WDR88: variants seen among roughly 807,000 people sequenced by gnomAD.
WDR88 encodes WD repeat domain 88.
WDR88 carries 40 observed loss-of-function variants against 46.8 expected under a neutral mutation model. The ratio of observed to expected loss-of-function variants is 0.86; its 90% CI spans 0.66 to 1.11. The LOEUF (loss-of-function observed/expected upper bound fraction) is 1.11, where lower values mean the gene tolerates loss of function less well. Among genes scored for constraint, WDR88 ranks in the 50% most tolerant of loss-of-function variants. The pLI is 0.00. For missense variants in WDR88, 562 were observed against 602.4 expected (o/e 0.93, Z 0.70); for synonymous variants, 235 against 240.7 (o/e 0.98, Z 0.22).
At chr19:33,148,664 C>T in intron 4 of WDR88, 108 bp from the exon 5 acceptor site, 2 of 1,357,730 alleles carry the variant, frequency 1.5e-6, no homozygotes, top group Non-Finnish European at 2.1e-6. Context: ...GTCTCAGGCT[C>T]CTGGTCTCAA....
At chr19:33,137,093 GC>G (rs1181982650) in intron 1 of WDR88, among the ~76,000 whole-genome samples, 2 of 139,922 alleles carry the variant, frequency 1.4e-5, no homozygotes, top group African/African-American at 5.8e-5. Context: ...ACCATGCCTG[GC>G]TCATTTTCTT....
At chr19:33,154,309 A>G (rs1198176677) in intron 6 of WDR88, among the ~76,000 whole-genome samples, 1 of 152,088 alleles carries the variant, frequency 6.6e-6, no homozygotes, top group Non-Finnish European at 1.5e-5. Context: ...TGCATCTATC[A>G]ACACGTCATC....
intron 9 of WDR88, among the ~76,000 whole-genome samples, chr19:33,171,652 T>A (rs1389465205): frequency 6.6e-6 from 1 of 151,988 alleles, no homozygotes; most frequent in Non-Finnish European, 1.5e-5. Flanking sequence ...TCAACAGGAC[T>A]GCATTCCTTT....
chr19:33,150,215 G>A (rs1344858039), intron 5 of WDR88, among the ~76,000 whole-genome samples: 1 of 152,142 alleles, frequency 6.6e-6, no homozygotes, highest in Non-Finnish European at 1.5e-5. Context: ...ACTTTGGGAG[G>A]CCGAGGCTGG....
intron 1 of WDR88, 84 bp from the exon 2 acceptor site, chr19:33,137,593 A>C: frequency 8.0e-7 from 1 of 1,245,024 alleles, no homozygotes; most frequent in African/African-American, 1.5e-5. Context: ...GTTTATTGCA[A>C]GTGTTTAGAA....
chr19:33,164,024 C>T (rs910526711), intron 8 of WDR88, among the ~76,000 whole-genome samples, 173 bp from the exon 9 acceptor site: 8 of 152,050 alleles, frequency 5.3e-5, no homozygotes, highest in African/African-American at 1.9e-4. Context: ...GGCTGAAGTG[C>T]AGTGGTGCAA....
At position 33,150,308 on chromosome 19, in the gene WDR88, C is replaced by G. The variant is rs535389219; in HGVS notation, c.680-873C>G. On this transcript the variant is annotated intron_variant, in intron 5 of 10. Transcript: ENST00000355868. ...CTCTACTAAAAATACAAAAATTAGCCGGGCGTGGTGGCGGGCACCTGTAAT... is the reference window on the plus strand; with the variant it reads ...CTCTACTAAAAATACAAAAATTAGCGGGGCGTGGTGGCGGGCACCTGTAAT... 2.3e-3 allele frequency among the ~76,000 whole-genome samples: 352 copies of G among 151,906 alleles called. 3 individuals are homozygous for G. Among genetic ancestry groups the G allele is most frequent in the African/African-American group, 7.9e-3 (328 of 41,470 alleles).
intron 7 of WDR88, among the ~76,000 whole-genome samples, chr19:33,158,827 G>A (rs947643165): frequency 1.3e-5 from 2 of 152,144 alleles, no homozygotes; most frequent in Admixed American, 6.6e-5. Flanking sequence ...AGCCTTCCAA[G>A]TAGCTTGGAT....
At chr19:33,174,377 G>A (rs1364551339) in intron 10 of WDR88, 15 of 1,424,714 alleles carry the variant, frequency 1.1e-5, no homozygotes, top group Non-Finnish European at 1.3e-5. Flanking sequence ...GGGAGAGCCA[G>A]GGCAGGGGCG....
rs1460612808 is a variant in WDR88 at position 33,144,737 on chromosome 19, G to A, written c.388-107G>A. 3.8e-6 allele frequency: 4 copies of A among 1,039,796 alleles called. No individual in the cohort carries two copies. In the African/African-American group the frequency reaches 6.4e-5, roughly 17 times the overall value. The allele number at this position is 1,039,796 out of a possible 1,614,324, so 64.4% of individuals were successfully genotyped here. ...GAGTCCCAGGACCTTGGAGTTCTCA[G>A]ATTTTGCTACCAGAGATAAGCTAAG... On this transcript the variant is annotated intron_variant, in intron 2 of 10. Coordinates refer to ENST00000355868, the MANE Select transcript of WDR88 (RefSeq NM_173479.4).
intron 8 of WDR88, among the ~76,000 whole-genome samples, chr19:33,161,100 G>A (rs1242565804): frequency 1.3e-5 from 2 of 152,146 alleles, no homozygotes; most frequent in Non-Finnish European, 2.9e-5. Context: ...TTGAACCCGG[G>A]AGGCGGAGGT....
At chr19:33,146,927 A>T (rs1271200988) in intron 3 of WDR88, among the ~76,000 whole-genome samples, 1 of 152,100 alleles carries the variant, frequency 6.6e-6, no homozygotes, top group East Asian at 1.9e-4. Flanking sequence ...TAGAAAAATG[A>T]AAAAAAGTCT....
At chr19:33,161,967 C>T (rs56077730) in intron 8 of WDR88, among the ~76,000 whole-genome samples, 1,588 of 152,126 alleles carry the variant, frequency 0.01, 18 homozygotes, top group Middle Eastern at 0.02. Context: ...GTTCTATTCT[C>T]TCTCCTCTTC....
chr19:33,173,078 C>G (rs1337741717), intron 10 of WDR88, among the ~76,000 whole-genome samples: 3 of 109,228 alleles, frequency 2.7e-5, no homozygotes, highest in African/African-American at 7.3e-5. Context: ...GGTGACAGAG[C>G]GAGACTCTGT....
At chr19:33,170,728 G>T (rs1230864996) in intron 9 of WDR88, among the ~76,000 whole-genome samples, 1 of 152,056 alleles carries the variant, frequency 6.6e-6, no homozygotes, top group Non-Finnish European at 1.5e-5. Flanking sequence ...GGGGTATGGT[G>T]GCGCATGCCT....
chr19:33,138,071 T>C (rs1261300867), intron 2 of WDR88, among the ~76,000 whole-genome samples: 1 of 151,632 alleles, frequency 6.6e-6, no homozygotes, highest in Non-Finnish European at 1.5e-5. Context: ...AGTTTCGCTC[T>C]TGTTACCCAG....
chr19:33,143,810 C>T (rs1248979869), intron 2 of WDR88, among the ~76,000 whole-genome samples: 2 of 151,940 alleles, frequency 1.3e-5, no homozygotes, highest in African/African-American at 4.8e-5. Flanking sequence ...TTTTCTTCTC[C>T]ACGAACATCC....
chr19:33,150,447 T>G (rs1973611164), intron 5 of WDR88, among the ~76,000 whole-genome samples: 1 of 152,152 alleles, frequency 6.6e-6, no homozygotes, highest in Non-Finnish European at 1.5e-5. Context: ...AGGCCCTGTC[T>G]CAAAAATAAA....
rs1973736208 is a variant in WDR88, at chr19:33,156,419, T to C, written c.874T>C (p.Ser292Pro). 1 of 1,614,122 alleles carries C rather than the reference T, an allele frequency of 6.2e-7. No homozygotes were observed. Among genetic ancestry groups the C allele is most frequent in the East Asian group, 2.2e-5 (1 of 44,878 alleles). ...TFSGHFLCTS[S>P]WDKNLKIWNV... ...CAGTGGCCATTTCCTGTGTACAAGC[T>C]CCTGGGATAAAAACTTAAAAATATG... The change falls in exon 7 of 11, where the codon TCC becomes CCC. Residue 292 changes from serine (S) to proline (P), a missense_variant. Coordinates refer to ENST00000355868, the MANE Select transcript of WDR88 (RefSeq NM_173479.4).
Sources: gnomAD v4.1 joint callset for allele counts (sites outside exome capture counted in the v4.1 genomes callset) on GRCh38, gnomAD v4.1.1 for gene constraint, MANE v1.5 for transcripts, NCBI Gene and HGNC (gene_info 2026-07-23, HGNC 2026-07-21) for gene names.